The following GABRG3 variants were observed in gnomAD, a reference collection of about 807,000 sequenced individuals.
GABRG3 encodes gamma-aminobutyric acid type A receptor subunit gamma3, also known as gamma-aminobutyric acid receptor subunit gamma-3.
In GABRG3, 25 loss-of-function variants were observed where a neutral mutation model predicts 48.8. The ratio of observed to expected loss-of-function variants is 0.51; its 90% CI spans 0.37 to 0.72. The LOEUF (loss-of-function observed/expected upper bound fraction) is 0.72, where lower values mean the gene tolerates loss of function less well. GABRG3 is among the 30% of genes least tolerant of loss of function. The probability of loss-of-function intolerance (pLI) is 0.00; values close to 1 mark genes in which losing one functional copy is unlikely to be tolerated. For missense variants in GABRG3, 394 were observed against 577.9 expected (o/e 0.68, Z 3.26); for synonymous variants, 227 against 217.6 (o/e 1.04, Z -0.38).
intron 5 of GABRG3, among the ~76,000 whole-genome samples, chr15:27,417,143 G>A (rs982741683): frequency 9.9e-5 from 15 of 152,164 alleles, no homozygotes; most frequent in South Asian, 2.1e-4. Flanking sequence ...CTGGTATGCA[G>A]TGGGTAGAGC....
intron 3 of GABRG3, among the ~76,000 whole-genome samples, chr15:27,305,207 C>G (rs1048918429): frequency 1.3e-5 from 2 of 151,566 alleles, no homozygotes; most frequent in Non-Finnish European, 3.0e-5. Context: ...GTACTCTAAT[C>G]AAGTATATTT....
At chr15:27,509,662 C>A (rs1890851176) in intron 6 of GABRG3, among the ~76,000 whole-genome samples, 1 of 152,174 alleles carries the variant, frequency 6.6e-6, no homozygotes, top group Non-Finnish European at 1.5e-5. Flanking sequence ...TCTCTTACTA[C>A]ATTTTTGATT....
rs1555405975 is a variant in GABRG3 at position 27,145,603 on chromosome 15, C to CTCTATCTATCTATCTATCA, written c.270+118800_270+118801insATCTATCTATCTATCTATC. 1.3e-3 allele frequency among the ~76,000 whole-genome samples: 135 copies of CTCTATCTATCTATCTATCA among 102,388 alleles called. 1 individual carries two copies. The highest frequency in any genetic ancestry group is 2.3e-3 in the Non-Finnish European group (104 of 45,826). 67.2% of individuals were successfully genotyped at this position (102,388 alleles called of 152,430 possible). ...ACTAGGCATATATACATATATCTAT[C>CTCTATCTATCTATCTATCA]TCTATCTATCTATCTATCTATCTAT... is the stretch of plus-strand genomic sequence containing the variant. On this transcript the variant is annotated intron_variant, in intron 3 of 9. Coordinates refer to ENST00000615808, the MANE Select transcript of GABRG3 (RefSeq NM_033223.5).
At chr15:27,195,885 T>C (rs925273168) in intron 3 of GABRG3, among the ~76,000 whole-genome samples, 5 of 152,194 alleles carry the variant, frequency 3.3e-5, no homozygotes, top group African/African-American at 1.2e-4. Flanking sequence ...TCTGCCTGTC[T>C]CAGCCTCCCA....
At chr15:27,024,843 A>G (rs796753106) in intron 2 of GABRG3, among the ~76,000 whole-genome samples, 12 of 152,216 alleles carry the variant, frequency 7.9e-5, no homozygotes, top group African/African-American at 2.6e-4. Context: ...CCTGGCTAAC[A>G]TGGTGAAACC....
intron 3 of GABRG3, among the ~76,000 whole-genome samples, chr15:27,133,022 AT>A (rs1371547612): frequency 1.5e-4 from 23 of 151,450 alleles, no homozygotes; most frequent in Non-Finnish European, 1.6e-4. Flanking sequence ...ACCGCAAGAT[AT>A]TTTCTAATTT....
intron 3 of GABRG3, among the ~76,000 whole-genome samples, chr15:27,303,738 A>T (rs981670214): frequency 2.6e-5 from 4 of 151,422 alleles, no homozygotes; most frequent in Non-Finnish European, 5.9e-5. Flanking sequence ...TCCACTATAT[A>T]TATATCCGTG....
chr15:27,372,497 A>G (rs545369872), intron 5 of GABRG3, among the ~76,000 whole-genome samples: 2 of 152,252 alleles, frequency 1.3e-5, no homozygotes, highest in East Asian at 3.9e-4. Context: ...GAGTCAAGCA[A>G]TCCTCTCACC....
chr15:27,002,976 AAAAT>A (rs1188009335), intron 2 of GABRG3, among the ~76,000 whole-genome samples: 1 of 150,982 alleles, frequency 6.6e-6, no homozygotes, highest in Non-Finnish European at 1.5e-5. Context: ...AAAATTAAAT[AAAAT>A]AAAATACAAT....
At chr15:27,247,374 A>G (rs913851244) in intron 3 of GABRG3, among the ~76,000 whole-genome samples, 2 of 152,012 alleles carry the variant, frequency 1.3e-5, no homozygotes, top group Non-Finnish European at 2.9e-5. Context: ...GCCTTGCTTG[A>G]CCACATTTTC....
intron 2 of GABRG3, among the ~76,000 whole-genome samples, chr15:27,022,137 C>G (rs1164694708): frequency 6.6e-6 from 1 of 152,090 alleles, no homozygotes; most frequent in African/African-American, 2.4e-5. Flanking sequence ...TTTTTCTACC[C>G]TTTTCTTCCC....
chr15:27,327,524 C>T (rs917465644), intron 4 of GABRG3, among the ~76,000 whole-genome samples: 5 of 152,134 alleles, frequency 3.3e-5, no homozygotes, highest in South Asian at 2.1e-4. Context: ...GGAACTGACT[C>T]GCCCACAGTC....
intron 5 of GABRG3, among the ~76,000 whole-genome samples, chr15:27,436,972 G>A (rs1888630912): frequency 6.9e-6 from 1 of 144,508 alleles, no homozygotes. Context: ...CTCCAGCCTG[G>A]GTGAGACTCC....
intron 3 of GABRG3, among the ~76,000 whole-genome samples, chr15:27,056,937 C>T (rs1332732929): frequency 6.6e-6 from 1 of 152,104 alleles, no homozygotes; most frequent in East Asian, 1.9e-4. Flanking sequence ...CTTGGGTCCT[C>T]CTTAATGAAA....
At chr15:27,458,580 A>G (rs1438343819) in intron 5 of GABRG3, among the ~76,000 whole-genome samples, 1 of 152,168 alleles carries the variant, frequency 6.6e-6, no homozygotes. Flanking sequence ...GCTGAGAGGC[A>G]ATCAATGCCT....
intron 5 of GABRG3, among the ~76,000 whole-genome samples, chr15:27,346,297 T>C (rs967391704): frequency 1.3e-5 from 2 of 152,180 alleles, no homozygotes; most frequent in African/African-American, 4.8e-5. Flanking sequence ...GAATTCTTGT[T>C]CTTCTTTCTC....
chr15:27,449,921 G>A (rs1485924388), intron 5 of GABRG3, among the ~76,000 whole-genome samples: 1 of 152,160 alleles, frequency 6.6e-6, no homozygotes, highest in African/African-American at 2.4e-5. Context: ...TGAAAGTGCT[G>A]GTAAGTTTAT....
At chr15:27,007,262 G>T (rs1381694423) in intron 2 of GABRG3, among the ~76,000 whole-genome samples, 1 of 151,742 alleles carries the variant, frequency 6.6e-6, no homozygotes, top group African/African-American at 2.4e-5. Context: ...CATATTTTTA[G>T]TAGGGAAGGG....
intron 3 of GABRG3, among the ~76,000 whole-genome samples, chr15:27,137,847 T>C (rs555710073): frequency 1.7e-3 from 257 of 152,234 alleles, no homozygotes; most frequent in Admixed American, 2.9e-3. Context: ...TGGGCAAAGG[T>C]TACTTTTATT....
Sources: allele counts gnomAD v4.1 joint callset (sites outside exome capture counted in the v4.1 genomes callset), GRCh38; gene constraint gnomAD v4.1.1; transcripts MANE v1.5; gene names NCBI Gene and HGNC (gene_info 2026-07-23, HGNC 2026-07-21).